Variants in PDS5B observed in about 807,000 individuals in gnomAD.
PDS5B encodes sister chromatid cohesion protein PDS5 homolog B.
PDS5B carries 51 observed loss-of-function variants against 184.1 expected under a neutral mutation model. The ratio of observed to expected loss-of-function variants is 0.28; its 90% confidence interval spans 0.22 to 0.35. The LOEUF is 0.35. Among genes scored for constraint, PDS5B ranks in the 10% least tolerant of loss-of-function variants. PDS5B has a pLI of 1.00. For synonymous variants in PDS5B, 566 were observed against 569.2 expected, an observed-to-expected ratio of 0.99 and a Z score of 0.08; for missense variants, 1,180 against 1,723.3, an observed-to-expected ratio of 0.68 and a Z score of 5.58.
intron 19 of PDS5B, among the ~76,000 whole-genome samples, chr13:32,726,845 G>A (rs1952916823): frequency 6.6e-6 from 1 of 152,176 alleles, no homozygotes; most frequent in South Asian, 2.1e-4. Context: ...GAGCCCAGGA[G>A]TTTCAGGCTC....
intron 1 of PDS5B, among the ~76,000 whole-genome samples, chr13:32,626,027 A>T (rs2058366282): frequency 6.6e-6 from 1 of 151,994 alleles, no homozygotes; most frequent in African/African-American, 2.4e-5. Flanking sequence ...TTTAGTAGGT[A>T]TGGGGTTTTG....
At chr13:32,657,216 A>G (rs138838768) in intron 3 of PDS5B, among the ~76,000 whole-genome samples, 101 of 152,338 alleles carry the variant, frequency 6.6e-4, no homozygotes, top group African/African-American at 2.1e-3. Context: ...ATGTCTCTTC[A>G]TAAGTCTCTA....
intron 19 of PDS5B, among the ~76,000 whole-genome samples, chr13:32,723,312 A>G (rs1952782907): frequency 6.6e-6 from 1 of 152,180 alleles, no homozygotes; most frequent in South Asian, 2.1e-4. Context: ...TGTTGACAGT[A>G]TTGTTTCAGG....
chr13:32,711,634 A>G (rs1952206989), intron 19 of PDS5B, among the ~76,000 whole-genome samples: 1 of 152,208 alleles, frequency 6.6e-6, no homozygotes, highest in Non-Finnish European at 1.5e-5. Flanking sequence ...CTGGGATTAC[A>G]GGCATGAACC....
At chr13:32,679,654 A>T (rs1951177247) in intron 10 of PDS5B, among the ~76,000 whole-genome samples, 1 of 151,522 alleles carries the variant, frequency 6.6e-6, no homozygotes, top group East Asian at 1.9e-4. Context: ...AAAAAAAAAA[A>T]TAAATAAATA....
At chr13:32,770,616 A>G in intron 32 of PDS5B, 38 bp from the exon 33 acceptor site, 1 of 1,600,974 alleles carries the variant, frequency 6.2e-7, no homozygotes, top group South Asian at 1.1e-5. Context: ...ATAAATCATA[A>G]TTTGATGCTA....
At position 32,675,967 on chromosome 13, in the gene PDS5B, AT is replaced by A. The variant is rs1276611381; in HGVS notation, c.962+12del. 17 of 1,573,634 alleles carry A rather than the reference AT, an allele frequency of 1.1e-5. No individual in the cohort carries two copies. The highest frequency in any genetic ancestry group is 1.5e-5 in the Non-Finnish European group (17 of 1,143,838). On this transcript the variant is annotated intron_variant, in intron 9 of 34. Transcript: ENST00000315596. The stretch of plus-strand genomic sequence containing the variant: ...GCAGTGCTACTTGGGCAGGTATATG[AT>A]TTTGGTTTCCCATTTAAAAGTAATA...
rs1954986129 is a variant in PDS5B at position 32,777,353 on chromosome 13, T to TTTC, written c.*2303_*2304insCTT. 6.8e-6 allele frequency: 1 copy of TTTC among 146,902 alleles called. No homozygotes were observed. Among genetic ancestry groups the TTTC allele is most frequent in the Non-Finnish European group, 1.5e-5 (1 of 66,156 alleles). 9.1% of individuals were successfully genotyped at this position (146,902 alleles called of 1,614,324 possible). A position where few individuals can be genotyped will look rare whatever the true frequency, so the allele number is the denominator to read the frequency against. On this transcript the variant is annotated 3_prime_UTR_variant, in exon 35 of 35. Coordinates refer to ENST00000315596, the MANE Select transcript of PDS5B (RefSeq NM_015032.4). Reference sequence around the variant, plus strand: ...GTAAATTTTTCTTTTCTTTCTTTCTTTTTTTTTTTTTTTGTGTAGAAAAAT... The same window carrying TTTC: ...GTAAATTTTTCTTTTCTTTCTTTCTTTTCTTTTTTTTTTTTTGTGTAGAAAAAT...
chr13:32,762,901 A>C (rs1255026733), intron 30 of PDS5B, among the ~76,000 whole-genome samples: 1 of 152,120 alleles, frequency 6.6e-6, no homozygotes, highest in Non-Finnish European at 1.5e-5. Context: ...AGAGATCTTA[A>C]TTGGCTTCCC....
chr13:32,626,517 C>T (rs1481248902), intron 1 of PDS5B, among the ~76,000 whole-genome samples: 1 of 151,984 alleles, frequency 6.6e-6, no homozygotes, highest in Non-Finnish European at 1.5e-5. Context: ...TGTAGTCAGT[C>T]TTTAGTTTTG....
At chr13:32,667,142 T>C (rs1950819431) in intron 6 of PDS5B, among the ~76,000 whole-genome samples, 1 of 152,112 alleles carries the variant, frequency 6.6e-6, no homozygotes, top group Non-Finnish European at 1.5e-5. Flanking sequence ...TAAACTGGGG[T>C]AGTGACTCCA....
At chr13:32,773,844 C>CA (rs1301225285) in intron 34 of PDS5B, among the ~76,000 whole-genome samples, 1 of 152,154 alleles carries the variant, frequency 6.6e-6, no homozygotes, top group Non-Finnish European at 1.5e-5. Flanking sequence ...CTCTGTCACC[C>CA]AGGCTGGAGT....
At chr13:32,656,085 C>A (rs1288032925) in intron 3 of PDS5B, among the ~76,000 whole-genome samples, 1 of 152,086 alleles carries the variant, frequency 6.6e-6, no homozygotes, top group African/African-American at 2.4e-5. Context: ...AATAGGGAGT[C>A]CTTTCCTCAT....
chr13:32,590,605 C>T (rs1468773611), intron 1 of PDS5B, among the ~76,000 whole-genome samples: 1 of 152,112 alleles, frequency 6.6e-6, no homozygotes, highest in Non-Finnish European at 1.5e-5. Flanking sequence ...TTGTCTTTCT[C>T]TAGAAGAGGA....
At chr13:32,652,490 C>G (rs1329049547) in intron 3 of PDS5B, 1 of 151,188 alleles carries the variant, frequency 6.6e-6, no homozygotes, top group African/African-American at 2.5e-5. Flanking sequence ...GTAATCCCAG[C>G]ACTGTGGGAG....
intron 1 of PDS5B, among the ~76,000 whole-genome samples, chr13:32,600,803 CAT>C (rs2057962011): frequency 6.6e-6 from 1 of 152,224 alleles, no homozygotes; most frequent in Non-Finnish European, 1.5e-5. Flanking sequence ...ACTTAAAGCT[CAT>C]GTGTTCTCCG....
chr13:32,759,307 C>A (rs1019831211), intron 28 of PDS5B, among the ~76,000 whole-genome samples: 3 of 152,140 alleles, frequency 2.0e-5, no homozygotes, highest in Non-Finnish European at 2.9e-5. Context: ...GCTAAAAGGG[C>A]TGTCACGTTG....
intron 19 of PDS5B, among the ~76,000 whole-genome samples, chr13:32,714,917 A>G (rs1479161608): frequency 1.3e-5 from 2 of 152,226 alleles, no homozygotes; most frequent in South Asian, 2.1e-4. Flanking sequence ...TCACAAGAGT[A>G]TTGATTGGGG....
intron 10 of PDS5B, among the ~76,000 whole-genome samples, chr13:32,680,581 G>A (rs1251897032): frequency 6.6e-6 from 1 of 152,174 alleles, no homozygotes; most frequent in Non-Finnish European, 1.5e-5. Flanking sequence ...GGGTCCCCCA[G>A]TTTAGAGCTA....
Sources: allele counts gnomAD v4.1 joint callset (sites outside exome capture counted in the v4.1 genomes callset), GRCh38; gene constraint gnomAD v4.1.1; transcripts MANE v1.5; gene names NCBI Gene and HGNC (gene_info 2026-07-23, HGNC 2026-07-21).